The following RAPGEF4 variants were observed in gnomAD, a reference collection of about 807,000 sequenced individuals.
RAPGEF4 encodes RAP guanine-nucleotide-exchange factor (GEF) 4.
A neutral mutation model predicts 147.9 loss-of-function variants in RAPGEF4; 66 were observed. The observed-to-expected ratio is 0.45, with a 90% CI of 0.37 to 0.55. The LOEUF is 0.55. Among genes scored for constraint, RAPGEF4 ranks in the 20% least tolerant of loss-of-function variants. The probability of loss-of-function intolerance (pLI) is 0.00; values close to 1 mark genes in which losing one functional copy is unlikely to be tolerated. For synonymous variants in RAPGEF4, 419 were observed against 442.7 expected (o/e 0.95, Z 0.67); for missense variants, 1,071 against 1,257.3 (o/e 0.85, Z 2.24).
intron 17 of RAPGEF4, among the ~76,000 whole-genome samples, chr2:173,013,415 T>G (rs543190065): frequency 6.6e-6 from 1 of 152,328 alleles, no homozygotes; most frequent in South Asian, 2.1e-4. Context: ...CTTATAGAAA[T>G]GGAGCGACAC....
chr2:172,814,909 T>G (rs1201003112), intron 4 of RAPGEF4, among the ~76,000 whole-genome samples: 1 of 152,240 alleles, frequency 6.6e-6, no homozygotes, highest in East Asian at 1.9e-4. Flanking sequence ...TCTGGTTACT[T>G]GCCAACTTCA....
At chr2:172,912,784 C>G (rs1034672057) in intron 4 of RAPGEF4, among the ~76,000 whole-genome samples, 1 of 152,004 alleles carries the variant, frequency 6.6e-6, no homozygotes, top group African/African-American at 2.4e-5. Context: ...CTCAGGGGCA[C>G]TTTTCATTTT....
intron 26 of RAPGEF4, among the ~76,000 whole-genome samples, chr2:173,031,960 C>T (rs1055926233): frequency 6.6e-6 from 1 of 152,086 alleles, no homozygotes; most frequent in African/African-American, 2.4e-5. Context: ...TTGAGCACCA[C>T]AGTGACCACA....
intron 1 of RAPGEF4, among the ~76,000 whole-genome samples, chr2:172,758,284 A>C (rs1313707490): frequency 6.6e-6 from 1 of 152,184 alleles, no homozygotes; most frequent in Non-Finnish European, 1.5e-5. Context: ...AACAAGGGAA[A>C]GGGTAGGAGA....
At chr2:173,043,346 T>C (rs1417460960) in intron 29 of RAPGEF4, among the ~76,000 whole-genome samples, 4 of 152,050 alleles carry the variant, frequency 2.6e-5, no homozygotes, top group African/African-American at 9.7e-5. Context: ...AGATCAAAAC[T>C]GTTGAGGGCA....
intron 23 of RAPGEF4, among the ~76,000 whole-genome samples, chr2:173,022,903 A>G (rs1696249062): frequency 2.6e-5 from 4 of 152,256 alleles, no homozygotes. Context: ...CCATTGTAGT[A>G]TAATGTGATT....
At chr2:172,860,021 C>G (rs1693851926) in intron 4 of RAPGEF4, 1 of 985,378 alleles carries the variant, frequency 1.0e-6, no homozygotes, top group East Asian at 1.1e-4. Flanking sequence ...CAACCCTGCT[C>G]TGTTCACTGG....
At chr2:173,019,690 T>C (rs1559190026) in intron 22 of RAPGEF4, among the ~76,000 whole-genome samples, 9 of 152,206 alleles carry the variant, frequency 5.9e-5, no homozygotes, top group South Asian at 2.1e-4. Flanking sequence ...CCATTTCTGC[T>C]CCAGTTGCAC....
In RAPGEF4 at chr2:172,797,540, A is replaced by G; in HGVS notation, c.224A>G (p.Asp75Gly). The G allele has an allele frequency of 6.2e-7, 1 of 1,613,386 alleles. No homozygotes were observed. Among genetic ancestry groups the G allele is most frequent in the Non-Finnish European group, 8.5e-7 (1 of 1,179,650 alleles). ...EKGITLFRQG[D>G]IGTNWYAVLA... Reference sequence around the variant, plus strand: ...TTTTTCCCAGTATTTCGCCAGGGTGATATTGGAACAAACTGGTATGCTGTC... The same window carrying G: ...TTTTTCCCAGTATTTCGCCAGGGTGGTATTGGAACAAACTGGTATGCTGTC... Residue 75 changes from aspartate to glycine, a missense_variant, in exon 3 of 31, where the codon GAT becomes GGT. Transcript: ENST00000397081.
At chr2:173,045,511 A>G (rs1337717275) in intron 29 of RAPGEF4, among the ~76,000 whole-genome samples, 2 of 152,350 alleles carry the variant, frequency 1.3e-5, no homozygotes, top group African/African-American at 4.8e-5. Context: ...GGGTGTGAAG[A>G]TATCCATAAC....
chr2:172,833,229 G>T (rs1331056219), intron 4 of RAPGEF4, among the ~76,000 whole-genome samples: 1 of 146,440 alleles, frequency 6.8e-6, no homozygotes, highest in Non-Finnish European at 1.5e-5. Flanking sequence ...ATCCAAAAAA[G>T]GTATGGCACT....
At chr2:172,959,982 A>G (rs1311508406) in intron 6 of RAPGEF4, among the ~76,000 whole-genome samples, 1 of 152,062 alleles carries the variant, frequency 6.6e-6, no homozygotes, top group Non-Finnish European at 1.5e-5. Flanking sequence ...GTGCTTGGGA[A>G]GCTGAGGTGG....
rs777702081 is a variant in RAPGEF4 at position 172,965,700 on chromosome 2, T to A, written c.820+17T>A. The A allele has an allele frequency of 6.2e-7, 1 of 1,614,090 alleles. No individual in the cohort carries two copies. The highest frequency in any genetic ancestry group is 1.1e-5 in the South Asian group (1 of 91,072). ...TCAACCACGGTAAGATGAGCCCCAG[T>A]CCCTGGAAACCTCTCAAGAAATGCT... On this transcript the variant is annotated intron_variant, in intron 9 of 30. Coordinates refer to ENST00000397081, the MANE Select transcript of RAPGEF4 (RefSeq NM_007023.4).
chr2:172,741,728 GT>G, intron 1 of RAPGEF4, among the ~76,000 whole-genome samples: 1 of 152,358 alleles, frequency 6.6e-6, no homozygotes, highest in South Asian at 2.1e-4. Context: ...CTGGAAGGCA[GT>G]GGTTTGATCA....
At chr2:172,969,129 C>G (rs1690188691) in intron 10 of RAPGEF4, among the ~76,000 whole-genome samples, 2 of 152,238 alleles carry the variant, frequency 1.3e-5, no homozygotes, top group South Asian at 4.1e-4. Context: ...CAATAAAGAG[C>G]TGTCCTGAGA....
chr2:172,825,949 A>T (rs990799058), intron 4 of RAPGEF4, among the ~76,000 whole-genome samples: 5 of 152,198 alleles, frequency 3.3e-5, no homozygotes, highest in African/African-American at 9.7e-5. Context: ...AAATATTCTT[A>T]CAAATCCATA....
rs761926493 is a variant in RAPGEF4, at chr2:172,821,990, T to C, written c.444+7565T>C. On this transcript the variant is annotated intron_variant, in intron 4 of 30. Transcript: ENST00000397081. ...ATGCTCTACAAGGTCAGAATGAATC[T>C]TTTTATTTTTTAGTGAAGGGTGGGA... 1.9e-6 allele frequency: 3 copies of C among 1,612,656 alleles called. No homozygotes were observed. The African/African-American group carries it at 4.0e-5, about 22-fold the overall frequency.
intron 1 of RAPGEF4, among the ~76,000 whole-genome samples, chr2:172,749,589 C>T (rs2149438654): frequency 6.6e-6 from 1 of 152,326 alleles, no homozygotes; most frequent in South Asian, 2.1e-4. Context: ...GGCCTCCAGG[C>T]CATTGATGGG....
chr2:172,931,061 C>T (rs1685871072), intron 6 of RAPGEF4, among the ~76,000 whole-genome samples: 1 of 151,786 alleles, frequency 6.6e-6, no homozygotes, highest in Non-Finnish European at 1.5e-5. Context: ...ACTTAATAGC[C>T]AGTGACACTG....
Sources: gnomAD v4.1 joint callset for allele counts (sites outside exome capture counted in the v4.1 genomes callset) on GRCh38, gnomAD v4.1.1 for gene constraint, MANE v1.5 for transcripts, NCBI Gene and HGNC (gene_info 2026-07-23, HGNC 2026-07-21) for gene names.